Variants in SVIL observed in about 807,000 individuals in gnomAD.
SVIL encodes supervillin, also known as archvillin.
In SVIL, 101 loss-of-function variants were observed where a neutral mutation model predicts 240.4. The ratio of observed to expected loss-of-function variants is 0.42; its 90% CI spans 0.36 to 0.50. The LOEUF (loss-of-function observed/expected upper bound fraction) is 0.50, where lower values mean the gene tolerates loss of function less well. Ranked by LOEUF, SVIL falls within the 20% of genes least tolerant of loss-of-function variation. The pLI is 0.01. For synonymous variants in SVIL, 999 were observed against 1,100.0 expected (o/e 0.91, Z 1.82); for missense variants, 2,512 against 2,818.7 (o/e 0.89, Z 2.46).
At position 29,463,653 on chromosome 10, in the gene SVIL, G is replaced by C. The variant is rs780100509; in HGVS notation, c.6134-18C>G. On this transcript the variant is annotated intron_variant, in intron 34 of 37. Coordinates refer to ENST00000355867, the MANE Select transcript of SVIL (RefSeq NM_021738.3). ...GAAAAGTGCTGTGAGGGCAGGGACAGGGCCAGACCATCAGGAGCTCCTTCA... is the reference window on the plus strand; with the variant it reads ...GAAAAGTGCTGTGAGGGCAGGGACACGGCCAGACCATCAGGAGCTCCTTCA... 1 of 1,611,936 alleles carries C rather than the reference G, an allele frequency of 6.2e-7. No homozygotes were observed. Among genetic ancestry groups the C allele is most frequent in the East Asian group, 2.2e-5 (1 of 44,844 alleles).
chr10:29,489,554 G>T lies in SVIL; in HGVS notation c.4193-798C>A, dbSNP rs556676053. Among the ~76,000 whole-genome samples the T allele has an allele frequency of 1.9e-3, 288 of 152,028 alleles. 2 individuals are homozygous for T. The highest frequency in any genetic ancestry group is 6.6e-3 in the African/African-American group (274 of 41,484). On this transcript the variant is annotated intron_variant, in intron 22 of 37. Transcript: ENST00000355867. ...TGTGCTTTTTAAATACACTTTTTTT[G>T]TTGTTGTTGTTGAGAAAGGGTGTGG...
chr10:29,715,952 G>C (rs1256330080), intron 1 of SVIL, among the ~76,000 whole-genome samples: 1 of 152,162 alleles, frequency 6.6e-6, no homozygotes, highest in South Asian at 2.1e-4. Context: ...AATTTCACAT[G>C]ATTTTATTTA....
intron 1 of SVIL, among the ~76,000 whole-genome samples, chr10:29,619,042 C>A (rs1017713436): frequency 6.6e-6 from 1 of 152,118 alleles, no homozygotes; most frequent in African/African-American, 2.4e-5. Flanking sequence ...AACCCCTGAA[C>A]GGAAAGATAA....
rs749405753 is a variant in SVIL, at chr10:29,532,852, C to G, written c.1515G>C (p.Gln505His). The part of the protein sequence containing the change: ...NVAQPPQAPH[Q>H]PTERTGRSEM... ...CGCTCCTGCCTGTCCTCTCAGTGGG[C>G]TGGTGCGGAGCTTGAGGGGGTTGTG... Residue 505 changes from glutamine to histidine, a missense_variant, in exon 8 of 38, where the codon CAG becomes CAC. Physicochemically the swap from Gln to His is conservative, Grantham distance 24 (BLOSUM62 0). Coordinates refer to ENST00000355867, the MANE Select transcript of SVIL (RefSeq NM_021738.3). 2.5e-6 allele frequency: 4 copies of G among 1,614,160 alleles called. No homozygotes were observed. Among genetic ancestry groups the G allele is most frequent in the Non-Finnish European group, 3.4e-6 (4 of 1,180,030 alleles).
At chr10:29,646,050 C>T (rs537557273) in intron 3 of SVIL, among the ~76,000 whole-genome samples, 5 of 152,174 alleles carry the variant, frequency 3.3e-5, no homozygotes, top group African/African-American at 7.2e-5. Flanking sequence ...AGGACAGAGA[C>T]TTTTGTCTGG....
Position 29,499,958 on chromosome 10 carries a change from T to A in SVIL, c.3517-695A>T, listed in dbSNP as rs568109579. 4.8e-3 allele frequency among the ~76,000 whole-genome samples: 729 copies of A among 152,280 alleles called. 6 individuals carry two copies. The highest frequency in any genetic ancestry group is 0.017 in the African/African-American group (698 of 41,520). Reference sequence around the variant, plus strand: ...TGCTCTCAGCAGTTTCTAATTGGAATATTTCTGGAGAGATCTGCTTCTTCC... The same window carrying A: ...TGCTCTCAGCAGTTTCTAATTGGAAAATTTCTGGAGAGATCTGCTTCTTCC... On this transcript the variant is annotated intron_variant, in intron 17 of 37. Transcript: ENST00000355867.
intron 1 of SVIL, among the ~76,000 whole-genome samples, chr10:29,693,285 C>T (rs1404629358): frequency 6.7e-6 from 1 of 149,320 alleles, no homozygotes; most frequent in African/African-American, 2.5e-5. Context: ...CACTATAGGA[C>T]CTCTGTTTTG....
chr10:29,589,548 C>T (rs1357600509), intron 1 of SVIL, among the ~76,000 whole-genome samples: 2 of 152,138 alleles, frequency 1.3e-5, no homozygotes, highest in African/African-American at 2.4e-5. Flanking sequence ...GAAGCACCAC[C>T]GTATTCCCCC....
At chr10:29,507,474 A>G (rs1412585168) in intron 17 of SVIL, among the ~76,000 whole-genome samples, 1 of 151,674 alleles carries the variant, frequency 6.6e-6, no homozygotes, top group East Asian at 1.9e-4. Context: ...GAACCAATTA[A>G]ACACACACAT....
chr10:29,676,876 G>T (rs994281971), intron 2 of SVIL, among the ~76,000 whole-genome samples: 7 of 151,960 alleles, frequency 4.6e-5, no homozygotes, highest in African/African-American at 1.7e-4. Flanking sequence ...CTTGGGTCTT[G>T]GAAACACCTG....
chr10:29,524,019 A>AC lies in SVIL; in HGVS notation c.2594dup (p.Ser865ArgfsTer37). On this transcript the variant is annotated frameshift_variant, in exon 15 of 38. Coordinates refer to ENST00000355867, the MANE Select transcript of SVIL (RefSeq NM_021738.3). LOFTEE classifies it high-confidence loss of function. ...CAGGTGAGAAAGGAATGAGCTTTCCACTCTGCACCTGGAAGGACACAGTTA... is the reference window on the plus strand; with the variant it reads ...CAGGTGAGAAAGGAATGAGCTTTCCACCTCTGCACCTGGAAGGACACAGTTA... The AC allele has an allele frequency of 6.2e-7, 1 of 1,605,472 alleles. No homozygotes were observed. Among genetic ancestry groups the AC allele is most frequent in the East Asian group, 2.2e-5 (1 of 44,748 alleles).
intron 23 of SVIL, 128 bp from the exon 24 acceptor site, chr10:29,487,427 A>G: frequency 1.9e-6 from 2 of 1,073,440 alleles, no homozygotes; most frequent in Non-Finnish European, 2.6e-6. Context: ...AAGAGTGCCC[A>G]TGGCCCAGGG....
At chr10:29,520,278 T>C (rs902586926) in intron 16 of SVIL, among the ~76,000 whole-genome samples, 1 of 152,214 alleles carries the variant, frequency 6.6e-6, no homozygotes, top group Non-Finnish European at 1.5e-5. Context: ...TGATATTTAT[T>C]GTTAATTTCC....
At chr10:29,711,542 C>T (rs1242854955) in intron 1 of SVIL, among the ~76,000 whole-genome samples, 2 of 152,140 alleles carry the variant, frequency 1.3e-5, no homozygotes, top group Non-Finnish European at 2.9e-5. Context: ...GGGCAGATCA[C>T]CTGAGGTCAG....
chr10:29,602,516 G>A (rs1218236445), intron 1 of SVIL, among the ~76,000 whole-genome samples: 9 of 152,186 alleles, frequency 5.9e-5, no homozygotes, highest in Non-Finnish European at 7.3e-5. Flanking sequence ...GAAAGAGAAT[G>A]CAAATGTTTT....
intron 6 of SVIL, among the ~76,000 whole-genome samples, chr10:29,541,798 C>T (rs535853873): frequency 0.06 from 2,230 of 37,324 alleles, 45 homozygotes; most frequent in African/African-American, 0.26. Context: ...CAGCCATTCG[C>T]GGGGCTGTGG....
At position 29,493,347 on chromosome 10, in the gene SVIL, C is replaced by T. The variant is rs758725168; in HGVS notation, c.3886G>A (p.Val1296Met). The T allele has an allele frequency of 3.1e-6, 5 of 1,614,204 alleles. No individual in the cohort carries two copies. The highest frequency in any genetic ancestry group is 1.7e-5 in the Admixed American group (1 of 60,024). ...TCATCTGGCTTCATCACCTCCTTCA[C>T]AGATTTGCCGGTGACAGTGAGCACC... ...ETVLTVTGKS[V>M]KEVMKPDDDE... The change falls in exon 21 of 38, where the codon GTG becomes ATG. Residue 1296 changes from valine to methionine, a missense_variant. This residue lies in a region of SVIL where 272 missense variants were observed against 406.8 expected (regional missense o/e 0.67). Transcript: ENST00000355867.
At chr10:29,482,667 A>C (rs10826632) in intron 27 of SVIL, among the ~76,000 whole-genome samples, 14,455 of 152,326 alleles carry the variant, frequency 0.095, 868 homozygotes, top group Non-Finnish European at 0.13. Context: ...GAGATAGGAA[A>C]GAAAACGGCA....
rs1960482273 is a variant in SVIL at position 29,679,712 on chromosome 10, T to C, written c.-301+6841A>G. Among the ~76,000 whole-genome samples, 6 of 151,654 alleles carry C rather than the reference T, an allele frequency of 4.0e-5. No homozygotes were observed. The South Asian group carries it at 1.2e-3, about 32-fold the overall frequency. On this transcript the variant is annotated intron_variant, in intron 2 of 35. Transcript: ENST00000375400. ...CTGGGACCGCAGGCACACACCACCA[T>C]GCCCCGCCAAGCCAGCCACTTTCTA...
Sources: allele counts gnomAD v4.1 joint callset (sites outside exome capture counted in the v4.1 genomes callset), GRCh38; gene constraint gnomAD v4.1.1; regional missense constraint gnomAD v4.1.1; transcripts MANE v1.5; gene names NCBI Gene and HGNC (gene_info 2026-07-23, HGNC 2026-07-21).